The following LRPPRC variants were observed in gnomAD, a reference collection of about 807,000 sequenced individuals.
The protein encoded by LRPPRC is leucine rich pentatricopeptide repeat containing, also known as leucine-rich PPR motif-containing protein, mitochondrial.
LRPPRC carries 120 observed loss-of-function variants against 180.3 expected under a neutral mutation model. The ratio of observed to expected loss-of-function variants is 0.67; its 90% confidence interval spans 0.57 to 0.77. The LOEUF (loss-of-function observed/expected upper bound fraction) is 0.77. LRPPRC is among the 30% of genes least tolerant of loss of function. LRPPRC has a pLI of 0.00. For synonymous variants in LRPPRC, 723 were observed against 600.0 expected (o/e 1.21, Z -3.00); for missense variants, 2,012 against 1,657.2 (o/e 1.21, Z -3.72).
chr2:43,983,040 G>C (rs898200187), intron 1 of LRPPRC, among the ~76,000 whole-genome samples: 3 of 151,854 alleles, frequency 2.0e-5, no homozygotes, highest in African/African-American at 7.3e-5. Context: ...CTGTGCAACT[G>C]TCAAAATGTT....
intron 13 of LRPPRC, among the ~76,000 whole-genome samples, chr2:43,960,330 A>G (rs572928006): frequency 3.9e-5 from 6 of 152,190 alleles, no homozygotes; most frequent in Non-Finnish European, 5.9e-5. Context: ...CCTTCAGTCT[A>G]ACACCATATT....
intron 1 of LRPPRC, 23 bp from the exon 2 acceptor site, chr2:43,982,457 T>G: frequency 6.4e-7 from 1 of 1,551,500 alleles, no homozygotes; most frequent in Non-Finnish European, 8.9e-7. Context: ...ACATAATTAA[T>G]AATAATCAGT....
chr2:43,902,314 G>A (rs1358195389), intron 31 of LRPPRC: 1 of 152,134 alleles, frequency 6.6e-6, no homozygotes, highest in Admixed American at 6.5e-5. Context: ...TCATAAAACT[G>A]TAGCAAAATC....
At chr2:43,986,800 T>TA (rs1436866805) in intron 1 of LRPPRC, among the ~76,000 whole-genome samples, 4 of 152,138 alleles carry the variant, frequency 2.6e-5, no homozygotes, top group Non-Finnish European at 5.9e-5. Flanking sequence ...TGGAAAGTGG[T>TA]AAAAAATTAA....
At chr2:43,913,767 A>G (rs899307672) in intron 29 of LRPPRC, among the ~76,000 whole-genome samples, 27 of 152,186 alleles carry the variant, frequency 1.8e-4, no homozygotes, top group African/African-American at 5.8e-4. Flanking sequence ...TTTACACTAG[A>G]TTTCTATGGT....
chr2:43,889,041 G>A (rs1290968266), intron 37 of LRPPRC, among the ~76,000 whole-genome samples: 1 of 152,184 alleles, frequency 6.6e-6, no homozygotes, highest in African/African-American at 2.4e-5. Flanking sequence ...AACATGCCGG[G>A]CACAGTGGCT....
chr2:43,975,022 C>G, intron 7 of LRPPRC, 69 bp downstream of exon 7: 1 of 1,509,448 alleles, frequency 6.6e-7, no homozygotes, highest in Non-Finnish European at 9.1e-7. Context: ...ACTTTCCTGC[C>G]TCATGTAAAA....
chr2:43,902,365 A>C (rs1365149061), intron 31 of LRPPRC: 1 of 152,224 alleles, frequency 6.6e-6, no homozygotes, highest in Non-Finnish European at 1.5e-5. Context: ...GTAGCCTAAC[A>C]ATCACCCCTA....
At chr2:43,981,641 C>CA (rs1261518267) in intron 2 of LRPPRC, among the ~76,000 whole-genome samples, 1 of 151,182 alleles carries the variant, frequency 6.6e-6, no homozygotes, top group African/African-American at 2.4e-5. Flanking sequence ...TGCTGGGCGA[C>CA]AGAGCGATAC....
chr2:43,988,687 C>T (rs543263923), intron 1 of LRPPRC, among the ~76,000 whole-genome samples: 8 of 152,080 alleles, frequency 5.3e-5, no homozygotes, highest in Non-Finnish European at 1.5e-5. Flanking sequence ...TACAGGCACC[C>T]GCCACCACGC....
chr2:43,950,316 C>T (rs558152654), intron 15 of LRPPRC, among the ~76,000 whole-genome samples: 7 of 152,022 alleles, frequency 4.6e-5, no homozygotes, highest in Non-Finnish European at 1.0e-4. Context: ...CACAGATCAT[C>T]CCATCACCCA....
intron 14 of LRPPRC, among the ~76,000 whole-genome samples, chr2:43,951,700 G>A (rs1672909021): frequency 6.6e-6 from 1 of 152,048 alleles, no homozygotes; most frequent in African/African-American, 2.4e-5. Context: ...TAAAGCTGGG[G>A]GATGGGTACA....
intron 30 of LRPPRC, among the ~76,000 whole-genome samples, chr2:43,908,831 G>A (rs1271551125): frequency 1.3e-5 from 2 of 152,074 alleles, no homozygotes; most frequent in South Asian, 2.1e-4. Context: ...CACCATGCTC[G>A]GCCAAAACTA....
At chr2:43,889,339 AG>A (rs1553387839) in intron 37 of LRPPRC, among the ~76,000 whole-genome samples, 9 of 147,224 alleles carry the variant, frequency 6.1e-5, no homozygotes, top group East Asian at 2.0e-4. Flanking sequence ...AAAAAAAAAA[AG>A]GCAAAATTTC....
chr2:43,994,480 C>T (rs1232480448), intron 1 of LRPPRC, among the ~76,000 whole-genome samples: 1 of 152,154 alleles, frequency 6.6e-6, no homozygotes, highest in South Asian at 2.1e-4. Context: ...ATATTCCTAA[C>T]ACTACTACTA....
At chr2:43,899,960 G>C (rs988060689) in intron 32 of LRPPRC, among the ~76,000 whole-genome samples, 1 of 152,016 alleles carries the variant, frequency 6.6e-6, no homozygotes, top group African/African-American at 2.4e-5. Flanking sequence ...CTTAATTTTT[G>C]CCACTCTTTG....
chr2:43,952,705 C>T (rs953074944), intron 14 of LRPPRC, among the ~76,000 whole-genome samples: 3 of 152,104 alleles, frequency 2.0e-5, no homozygotes, highest in Non-Finnish European at 2.9e-5. Context: ...CCTGCATGTA[C>T]GTATTTAAGT....
intron 30 of LRPPRC, among the ~76,000 whole-genome samples, chr2:43,907,672 A>G (rs1197013428): frequency 6.6e-6 from 1 of 152,250 alleles, no homozygotes; most frequent in Non-Finnish European, 1.5e-5. Flanking sequence ...TGGATAGCAG[A>G]GAATTCTAGA....
chr2:43,976,103 A>T (rs779774175), intron 6 of LRPPRC, 40 bp downstream of exon 6: 2 of 1,169,390 alleles, frequency 1.7e-6, no homozygotes, highest in Non-Finnish European at 1.3e-6. Flanking sequence ...CATCTCAGCC[A>T]TCTATCACTT....
Sources: allele counts gnomAD v4.1 joint callset (sites outside exome capture counted in the v4.1 genomes callset), GRCh38; gene constraint gnomAD v4.1.1; transcripts MANE v1.5; gene names NCBI Gene and HGNC (gene_info 2026-07-23, HGNC 2026-07-21).